Variants in CHD8 observed in about 807,000 individuals in gnomAD.
The protein encoded by CHD8 is chromodomain helicase DNA binding protein 8.
A neutral mutation model predicts 279.2 loss-of-function variants in CHD8; 31 were observed. The ratio of observed to expected loss-of-function variants is 0.11; its 90% CI spans 0.08 to 0.15. CHD8 has a LOEUF of 0.15. CHD8 is among the 10% of genes least tolerant of loss of function. CHD8 has a pLI of 1.00. For missense variants in CHD8, 2,146 were observed against 3,230.5 expected (o/e 0.66, Z 8.14); for synonymous variants, 1,081 against 1,139.6 (o/e 0.95, Z 1.04).
intron 37 of CHD8, among the ~76,000 whole-genome samples, chr14:21,388,979 T>G (rs1020159230): frequency 1.3e-5 from 2 of 152,156 alleles, no homozygotes; most frequent in African/African-American, 4.8e-5. Flanking sequence ...TCTATGTCAT[T>G]TAAAACAATG....
At position 21,409,908 on chromosome 14, in the gene CHD8, C is replaced by G. The variant is rs761902244; in HGVS notation, c.2307G>C (p.Glu769Asp). 8.7e-6 allele frequency: 14 copies of G among 1,613,656 alleles called. No homozygotes were observed. The highest frequency in any genetic ancestry group is 1.2e-5 in the Non-Finnish European group (14 of 1,179,772). ...TCCGTTTAAATTCTCGAATCTTGCC[C>G]TCATCAACATCTTCTTTTAGCTCCC... Reference protein sequence around the residue: ...STWELKEDVDEGKIREFKRIQ... With the variant: ...STWELKEDVDDGKIREFKRIQ... The change falls in exon 11 of 38, where the codon GAG (glutamate) becomes GAC (aspartate). Residue 769 changes from glutamate to aspartate, a missense_variant. Transcript: ENST00000646647.
chr14:21,415,173 C>A, intron 7 of CHD8, 180 bp from the exon 8 acceptor site: 1 of 580,698 alleles, frequency 1.7e-6, no homozygotes, highest in South Asian at 2.2e-5. Context: ...AAAAAGTAAG[C>A]CTTTATCCAC....
rs1449320007 is a variant in CHD8, at chr14:21,403,611, A to T, written c.3360T>A (p.Pro1120=). 3.1e-6 allele frequency: 5 copies of T among 1,609,544 alleles called. No homozygotes were observed. Among genetic ancestry groups the T allele is most frequent in the Non-Finnish European group, 4.2e-6 (5 of 1,177,766 alleles). Residue 1120 remains proline, a synonymous_variant, in exon 17 of 38, where the codon CCT becomes CCA. Coordinates refer to ENST00000646647, the MANE Select transcript of CHD8 (RefSeq NM_001170629.2). The surrounding 1 kb of genome is among the most constrained non-coding windows in gnomAD (Gnocchi z 4.3). ...CCATGGCCTGCAGGTGAAAGTCATGAGGTATAATATGGCAAGCTTCACGGA... is the reference window on the plus strand; with the variant it reads ...CCATGGCCTGCAGGTGAAAGTCATGTGGTATAATATGGCAAGCTTCACGGA... The part of the protein sequence containing the change: ...TEFREACHII[P]HDFHLQAMVR...
intron 1 of CHD8, among the ~76,000 whole-genome samples, chr14:21,442,250 T>G (rs1377914819): frequency 6.6e-6 from 1 of 152,072 alleles, no homozygotes; most frequent in Non-Finnish European, 1.5e-5. Flanking sequence ...GCAGATTGCT[T>G]AAGCCCAAGA....
At chr14:21,433,876 G>A (rs1299802562) in intron 1 of CHD8, among the ~76,000 whole-genome samples, 1 of 151,886 alleles carries the variant, frequency 6.6e-6, no homozygotes, top group African/African-American at 2.4e-5. Flanking sequence ...CTGATTTAAC[G>A]AAAACCTACT....
chr14:21,392,672 T>C lies in CHD8; in HGVS notation c.6606A>G (p.Ser2202=). 6.2e-7 allele frequency: 1 copy of C among 1,614,006 alleles called. No homozygotes were observed. The highest frequency in any genetic ancestry group is 8.5e-7 in the Non-Finnish European group (1 of 1,179,894). Residue 2202 remains serine (S), a synonymous_variant, in exon 34 of 38, where the codon TCA becomes TCG. Coordinates refer to ENST00000646647, the MANE Select transcript of CHD8 (RefSeq NM_001170629.2). ...AGTCACCATATTCTCCAGGAGTCAA[T>C]GAGGGACTGTCTAGCAAGTGGTTGC... ...GPGNHLLDSP[S]LTPGEYGDSP...
At chr14:21,392,222 C>T (rs749840472) in intron 34 of CHD8, 5 of 754,654 alleles carry the variant, frequency 6.6e-6, no homozygotes, top group Non-Finnish European at 9.7e-6. Context: ...TACCTGGTGT[C>T]TCCGTATTAG....
Position 21,391,051 on chromosome 14 carries a change from G to A in CHD8, c.7078C>T (p.Arg2360Cys), listed in dbSNP as rs866247988. 5.1e-6 allele frequency: 8 copies of A among 1,577,582 alleles called. No homozygotes were observed. The highest frequency in any genetic ancestry group is 4.5e-5 in the East Asian group (2 of 44,182). The change falls in exon 37 of 38, where the codon CGC (arginine) becomes TGC (cysteine). Residue 2360 changes from arginine (R) to cysteine (C), a missense_variant. Transcript: ENST00000646647. ...DPRFLAYMED[R>C]RKQKWQRCKK... The stretch of plus-strand genomic sequence containing the variant: ...CATCTTTGCCACTTCTGTTTTCTGC[G>A]ATCCTCCATATACTGCAATAGAAAA...
intron 1 of CHD8, among the ~76,000 whole-genome samples, chr14:21,447,507 GAGTAC>G (rs1047704772): frequency 2.1e-4 from 32 of 151,940 alleles, no homozygotes; most frequent in African/African-American, 7.5e-4. Flanking sequence ...GAGTAGCTGG[GAGTAC>G]AGGCACGCAC....
Position 21,448,723 on chromosome 14 carries a change from A to AT in CHD8, c.-216+7308dup, listed in dbSNP as rs563979717. Among the ~76,000 whole-genome samples the AT allele has an allele frequency of 2.8e-3, 411 of 146,584 alleles. 5 individuals are homozygous for AT. Among genetic ancestry groups the AT allele is most frequent in the South Asian group, 0.021 (97 of 4,674 alleles). On this transcript the variant is annotated intron_variant, in intron 1 of 37. Transcript: ENST00000646647. ...AGGCGCGCGCCACTACACCTGGCTAATTTTTTTTTTTTAATTTTTAGTAGA... is the reference window on the plus strand; with the variant it reads ...AGGCGCGCGCCACTACACCTGGCTAATTTTTTTTTTTTTAATTTTTAGTAGA...
intron 5 of CHD8, among the ~76,000 whole-genome samples, chr14:21,422,097 T>C (rs1177534210): frequency 6.6e-6 from 1 of 152,130 alleles, no homozygotes; most frequent in Non-Finnish European, 1.5e-5. Flanking sequence ...TTCCAGCACA[T>C]TGGGAGGACA....
chr14:21,405,142 G>A lies in CHD8; in HGVS notation c.3307+67C>T, dbSNP rs1020960409. ...GAGTCAATGCATCCATTGTCCCCAA[G>A]GAGAATCATCCGGAAAGTAAACACA... On this transcript the variant is annotated intron_variant, in intron 16 of 37. Transcript: ENST00000646647. The surrounding 1 kb of genome is among the most constrained non-coding windows in gnomAD (Gnocchi z 4.2). The A allele has an allele frequency of 6.6e-6, 10 of 1,526,196 alleles. No homozygotes were observed. Among genetic ancestry groups the A allele is most frequent in the Middle Eastern group, 3.7e-4 (2 of 5,428 alleles). The allele number at this position is 1,526,196 out of a possible 1,614,324, so 94.5% of individuals were successfully genotyped here.
intron 3 of CHD8, 145 bp downstream of exon 3, chr14:21,428,819 G>T: frequency 1.5e-6 from 1 of 662,858 alleles, no homozygotes; most frequent in Non-Finnish European, 2.5e-6. Flanking sequence ...AGGTTTCCAT[G>T]AATGAAAGAA....
At chr14:21,391,365 C>T in intron 36 of CHD8, 98 bp downstream of exon 36, 2 of 1,153,488 alleles carry the variant, frequency 1.7e-6, no homozygotes, top group South Asian at 1.5e-5. Flanking sequence ...CTTGCAGATA[C>T]AGAAACGATG....
At chr14:21,418,836 A>G (rs973649152) in intron 5 of CHD8, among the ~76,000 whole-genome samples, 1 of 152,178 alleles carries the variant, frequency 6.6e-6, no homozygotes, top group African/African-American at 2.4e-5. Context: ...ATAAATAAAT[A>G]AATAAAGTTC....
In CHD8 at chr14:21,395,100, T is replaced by C. The variant is rs774271320; in HGVS notation, c.5202A>G (p.Pro1734=). The C allele has an allele frequency of 4.2e-5, 68 of 1,613,732 alleles. No homozygotes were observed. Among genetic ancestry groups the C allele is most frequent in the Non-Finnish European group, 5.8e-5 (68 of 1,179,810 alleles). Residue 1734 remains proline, a synonymous_variant, in exon 30 of 38, where the codon CCA becomes CCG. Transcript: ENST00000646647. ...DGDEAQVTQQ[P]GHLFWPPGSA... Reference sequence around the variant, plus strand: ...AGCCCGGAGGCCAGAATAAATGGCCTGGCTGTTGGGTCACCTGGGCTGTGG... The same window carrying C: ...AGCCCGGAGGCCAGAATAAATGGCCCGGCTGTTGGGTCACCTGGGCTGTGG...
rs552885916 is a variant in CHD8 at position 21,443,949 on chromosome 14, C to T, written c.-216+12083G>A. Among the ~76,000 whole-genome samples, 12 of 151,254 alleles carry T rather than the reference C, an allele frequency of 7.9e-5. No individual in the cohort carries two copies. The South Asian group carries it at 1.5e-3, about 18-fold the overall frequency. On this transcript the variant is annotated intron_variant, in intron 1 of 37. Coordinates refer to ENST00000646647, the MANE Select transcript of CHD8 (RefSeq NM_001170629.2). Reference sequence around the variant, plus strand: ...CTGATACCTACTTTCCACTGTCAAACCAGAAGTGAATCTGTCCATGTGAGT... The same window carrying T: ...CTGATACCTACTTTCCACTGTCAAATCAGAAGTGAATCTGTCCATGTGAGT...
Position 21,420,678 on chromosome 14 carries a change from G to C in CHD8, c.1717-4771C>G, listed in dbSNP as rs1236555503. 2.6e-5 allele frequency among the ~76,000 whole-genome samples: 4 copies of C among 152,166 alleles called. No individual in the cohort carries two copies. The East Asian group carries it at 5.8e-4, about 22-fold the overall frequency. On this transcript the variant is annotated intron_variant, in intron 5 of 37. Coordinates refer to ENST00000646647, the MANE Select transcript of CHD8 (RefSeq NM_001170629.2). ...TTAATATTTAGTGGAAGTAGAAGTA[G>C]AGTGTTCATGAAAGTAAGAAATATT...
At chr14:21,389,195 G>A (rs1195468357) in intron 37 of CHD8, among the ~76,000 whole-genome samples, 1 of 152,072 alleles carries the variant, frequency 6.6e-6, no homozygotes, top group Non-Finnish European at 1.5e-5. Context: ...AGCTACTCGG[G>A]AGGCTGAGGC....
Sources: gnomAD v4.1 joint callset for allele counts (sites outside exome capture counted in the v4.1 genomes callset) on GRCh38, gnomAD v4.1.1 for gene constraint, Gnocchi (gnomAD v3.1) non-coding constraint, MANE v1.5 for transcripts, NCBI Gene and HGNC (gene_info 2026-07-23, HGNC 2026-07-21) for gene names.